RIN3: variants seen among roughly 807,000 people sequenced by gnomAD.
The protein encoded by RIN3 is Ras and Rab interactor 3.
A neutral mutation model predicts 76.3 loss-of-function variants in RIN3; 54 were observed. The ratio of observed to expected loss-of-function variants is 0.71; its 90% CI spans 0.57 to 0.89. The LOEUF (loss-of-function observed/expected upper bound fraction) is 0.89, where lower values mean the gene tolerates loss of function less well. Ranked by LOEUF, RIN3 falls within the 40% of genes least tolerant of loss-of-function variation. The pLI, the probability that RIN3 is intolerant of heterozygous loss-of-function variation, is 0.00. For missense variants in RIN3, 1,256 were observed against 1,322.1 expected, an observed-to-expected ratio of 0.95 and a Z score of 0.78; for synonymous variants, 576 against 564.0, an observed-to-expected ratio of 1.02 and a Z score of -0.30.
chr14:92,519,830 G>A (rs1471912206), intron 1 of RIN3, among the ~76,000 whole-genome samples: 1 of 152,190 alleles, frequency 6.6e-6, no homozygotes, highest in Non-Finnish European at 1.5e-5. Flanking sequence ...GGAGTGACGG[G>A]TACATGGGAG....
intron 1 of RIN3, among the ~76,000 whole-genome samples, chr14:92,531,704 C>T (rs902671173): frequency 6.6e-6 from 1 of 152,148 alleles, no homozygotes. Flanking sequence ...TGTGTAGTTT[C>T]CTGCAATGGG....
intron 1 of RIN3, among the ~76,000 whole-genome samples, chr14:92,554,614 A>G (rs981330661): frequency 6.6e-6 from 1 of 152,206 alleles, no homozygotes; most frequent in Admixed American, 6.5e-5. Context: ...ATTTTATTTA[A>G]CCTGACACAT....
chr14:92,545,882 G>T (rs904991501), intron 1 of RIN3, among the ~76,000 whole-genome samples: 20 of 151,872 alleles, frequency 1.3e-4, no homozygotes, highest in Admixed American at 5.3e-4. Context: ...AGAATTTTGA[G>T]ATTTAACCAT....
chr14:92,669,752 A>C lies in RIN3; in HGVS notation c.2336-6723A>C, dbSNP rs76923975. Among the ~76,000 whole-genome samples, 119 of 152,258 alleles carry C rather than the reference A, an allele frequency of 7.8e-4. 1 individual carries two copies. The East Asian group carries it at 0.019, about 24-fold the overall frequency. ...TGGCCTACCACCTGATTTTGCAAAT[A>C]GTTTTATTGGAACACAACCCATATC... On this transcript the variant is annotated intron_variant, in intron 7 of 9. Coordinates refer to ENST00000216487, the MANE Select transcript of RIN3 (RefSeq NM_024832.5).
intron 8 of RIN3, among the ~76,000 whole-genome samples, chr14:92,679,326 AGCTCCAGGG>A (rs1888584415): frequency 6.6e-6 from 1 of 152,108 alleles, no homozygotes; most frequent in Non-Finnish European, 1.5e-5. Flanking sequence ...TGCCCATGGC[AGCTCCAGGG>A]GCCAGAGGAC....
At chr14:92,687,144 T>G (rs1166038594) in intron 9 of RIN3, 2 of 152,276 alleles carry the variant, frequency 1.3e-5, no homozygotes, top group African/African-American at 4.8e-5. Context: ...GGCCGGAGCT[T>G]CCAGCGCCTG....
At position 92,545,576 on chromosome 14, in the gene RIN3, CT is replaced by C. The variant is rs1566835630; in HGVS notation, c.45-10170del. ...TCCCTCTCTATTTTTTTTCTTTTTT[CT>C]TTTTCTTTTTTTTTTTTTTTTGAGA... On this transcript the variant is annotated intron_variant, in intron 1 of 9. Coordinates refer to ENST00000216487, the MANE Select transcript of RIN3 (RefSeq NM_024832.5). Among the ~76,000 whole-genome samples, 16 of 125,164 alleles carry C rather than the reference CT, an allele frequency of 1.3e-4. 1 individual carries two copies. In the South Asian group the frequency reaches 2.7e-3, roughly 21 times the overall value. 82.1% of individuals were successfully genotyped at this position (125,164 alleles called of 152,430 possible). A position where few individuals can be genotyped will look rare whatever the true frequency, so the allele number is the denominator to read the frequency against.
At position 92,656,169 on chromosome 14, in the gene RIN3, G is replaced by A. The variant is rs907867788; in HGVS notation, c.2027-2992G>A. On this transcript the variant is annotated intron_variant, in intron 6 of 9. Coordinates refer to ENST00000216487, the MANE Select transcript of RIN3 (RefSeq NM_024832.5). This position sits in a 1 kb window ranked among gnomAD's most constrained non-coding sequence, Gnocchi z 5.2. ...CCAGAGTTGGGGGAGTGTAAGAGCT[G>A]AGGCCCAAAGGAGGAGTCAGGGATG... is the stretch of plus-strand genomic sequence containing the variant. Among the ~76,000 whole-genome samples the A allele has an allele frequency of 1.3e-4, 20 of 152,210 alleles. No individual in the cohort carries two copies. The highest frequency in any genetic ancestry group is 4.8e-4 in the African/African-American group (20 of 41,440).
chr14:92,617,753 T>C lies in RIN3; in HGVS notation c.440+2274T>C, dbSNP rs564209733. 3.3e-5 allele frequency among the ~76,000 whole-genome samples: 5 copies of C among 152,366 alleles called. No individual in the cohort carries two copies. The East Asian group carries it at 9.6e-4, about 29-fold the overall frequency. ...CCCCTAGCACTGAATTTCTATAATC[T>C]TCATTTGCTGTATTTCTCCATAGGC... On this transcript the variant is annotated intron_variant, in intron 4 of 9. Transcript: ENST00000216487.
intron 2 of RIN3, among the ~76,000 whole-genome samples, chr14:92,558,216 G>A (rs931178724): frequency 7.2e-5 from 11 of 152,184 alleles, no homozygotes; most frequent in Non-Finnish European, 1.6e-4. Flanking sequence ...AGGCACGGAA[G>A]TGTGCACTTG....
At chr14:92,540,871 C>A (rs4900135) in intron 1 of RIN3, among the ~76,000 whole-genome samples, 1 of 152,216 alleles carries the variant, frequency 6.6e-6, no homozygotes, top group Non-Finnish European at 1.5e-5. Flanking sequence ...GTCCTTGGTC[C>A]GATCCATGCT....
intron 1 of RIN3, among the ~76,000 whole-genome samples, chr14:92,547,671 CA>C (rs1322678918): frequency 2.4e-4 from 37 of 151,618 alleles, no homozygotes; most frequent in African/African-American, 8.5e-4. Context: ...GCTGAGATTG[CA>C]GGTGTGAATC....
At chr14:92,583,975 G>A (rs749798245) in intron 3 of RIN3, among the ~76,000 whole-genome samples, 54 of 152,184 alleles carry the variant, frequency 3.5e-4, no homozygotes, top group Non-Finnish European at 7.1e-4. Context: ...GAGCTCCAGT[G>A]GTGAAGCTCG....
chr14:92,597,885 T>C (rs773139781), intron 3 of RIN3, among the ~76,000 whole-genome samples: 1 of 152,212 alleles, frequency 6.6e-6, no homozygotes, highest in South Asian at 2.1e-4. Flanking sequence ...GGAAGTAGAA[T>C]CATAATAGCA....
intron 5 of RIN3, 36 bp downstream of exon 5, chr14:92,641,365 G>T (rs1315271799): frequency 7.2e-6 from 11 of 1,537,972 alleles, no homozygotes; most frequent in Middle Eastern, 1.7e-4. Flanking sequence ...GAGCTGGTGG[G>T]GCGTTAGGAA....
chr14:92,617,855 C>A (rs1367490416), intron 4 of RIN3, among the ~76,000 whole-genome samples: 1 of 151,088 alleles, frequency 6.6e-6, no homozygotes, highest in Admixed American at 6.6e-5. Flanking sequence ...AATTTAAAGT[C>A]TGTTGTGTAA....
At chr14:92,542,450 C>T (rs148440533) in intron 1 of RIN3, among the ~76,000 whole-genome samples, 113 of 152,216 alleles carry the variant, frequency 7.4e-4, no homozygotes, top group African/African-American at 2.5e-3. Flanking sequence ...GAAATTAGAA[C>T]CCTCATATGC....
intron 1 of RIN3, among the ~76,000 whole-genome samples, chr14:92,546,100 T>C (rs942823206): frequency 2.6e-5 from 4 of 152,136 alleles, no homozygotes; most frequent in African/African-American, 9.7e-5. Context: ...AATTTTTGTA[T>C]TTTTAGTAGA....
At chr14:92,543,750 T>G (rs193225311) in intron 1 of RIN3, among the ~76,000 whole-genome samples, 1 of 152,014 alleles carries the variant, frequency 6.6e-6, no homozygotes, top group East Asian at 1.9e-4. Flanking sequence ...ACCCGGCTAA[T>G]TTTTTAATTT....
Sources: gnomAD v4.1 joint callset for allele counts (sites outside exome capture counted in the v4.1 genomes callset) on GRCh38, gnomAD v4.1.1 for gene constraint, Gnocchi (gnomAD v3.1) non-coding constraint, MANE v1.5 for transcripts, NCBI Gene and HGNC (gene_info 2026-07-23, HGNC 2026-07-21) for gene names.